The following FRMPD4 variants were observed in gnomAD, a reference collection of about 807,000 sequenced individuals.
FRMPD4 encodes FERM and PDZ domain-containing protein 4.
FRMPD4 carries 22 observed loss-of-function variants against 94.1 expected under a neutral mutation model. That is an observed-to-expected ratio of 0.23 (90% CI 0.17 to 0.33). The LOEUF is 0.33. Ranked by LOEUF, FRMPD4 falls within the 10% of genes least tolerant of loss-of-function variation. The pLI is 1.00. For missense variants in FRMPD4, 1,111 were observed against 1,339.9 expected (o/e 0.83, Z 2.67); for synonymous variants, 631 against 548.6 (o/e 1.15, Z -2.10).
intron 1 of FRMPD4, among the ~76,000 whole-genome samples, chrX:12,385,842 G>A (rs186989001): frequency 8.9e-6 from 1 of 112,508 alleles, no homozygotes; most frequent in East Asian, 2.8e-4. Flanking sequence ...CAAAGAGAAA[G>A]AGGGAACCTT....
At chrX:12,659,259 G>A (rs1228228005) in intron 4 of FRMPD4, among the ~76,000 whole-genome samples, 2 of 112,554 alleles carry the variant, frequency 1.8e-5, no homozygotes, top group East Asian at 5.5e-4. Flanking sequence ...TATTCAAAAT[G>A]GCATGGTGGC....
At chrX:12,263,415 G>A (rs1334680603) in intron 1 of FRMPD4, among the ~76,000 whole-genome samples, 1 of 111,790 alleles carries the variant, frequency 8.9e-6, no homozygotes, top group African/African-American at 3.3e-5. Flanking sequence ...GAAGTCATCA[G>A]TGAGGTAGGG....
rs747487178 is a variant in FRMPD4 at position 12,718,703 on chromosome X, G to A, written c.3877G>A (p.Ala1293Thr). Reference protein sequence around the residue: ...EGMCPRMTVPALHTAINTEPL... With the variant: ...EGMCPRMTVPTLHTAINTEPL... ...GATGTGTCCACGGATGACAGTGCCT[G>A]CTCTGCACACAGCCATTAACACCGA... The change falls in exon 16 of 17, where the codon GCT (alanine) becomes ACT (threonine). Residue 1293 changes from alanine (A) to threonine (T), a missense_variant. Physicochemically the swap from Ala to Thr is moderately conservative, Grantham distance 58. Coordinates refer to ENST00000675598, the MANE Select transcript of FRMPD4 (RefSeq NM_001368397.1). 3.3e-6 allele frequency: 4 copies of A among 1,208,576 alleles called. No homozygotes were observed. In the South Asian group the frequency reaches 5.3e-5, roughly 16 times the overall value.
intron 1 of FRMPD4, among the ~76,000 whole-genome samples, chrX:12,205,614 G>A (rs1013955728): frequency 8.1e-5 from 9 of 111,759 alleles, no homozygotes; most frequent in African/African-American, 2.9e-4. Flanking sequence ...AATGCCAAAA[G>A]CTCTTTTAAG....
At chrX:12,410,255 A>G (rs1164208366) in intron 1 of FRMPD4, among the ~76,000 whole-genome samples, 1 of 111,754 alleles carries the variant, frequency 8.9e-6, no homozygotes, top group Non-Finnish European at 1.9e-5. Flanking sequence ...GTTTAGTGTG[A>G]ATATTTCTGT....
intron 3 of FRMPD4, among the ~76,000 whole-genome samples, chrX:12,123,145 T>C (rs1281609186): frequency 9.4e-6 from 1 of 106,687 alleles, no homozygotes; most frequent in Non-Finnish European, 1.9e-5. Context: ...TTTTTTTGTT[T>C]GTTTGTTTTT....
At chrX:11,941,416 A>G (rs1012190692) in intron 3 of FRMPD4, among the ~76,000 whole-genome samples, 7 of 111,437 alleles carry the variant, frequency 6.3e-5, no homozygotes, top group Non-Finnish European at 1.1e-4. Context: ...TTTGCTTACA[A>G]TTGCATTCTC....
chrX:12,139,127 G>C, intron 1 of FRMPD4, 115 bp downstream of exon 1: 1 of 553,971 alleles, frequency 1.8e-6, no homozygotes, highest in Non-Finnish European at 2.7e-6. Flanking sequence ...CGGGGCTTAA[G>C]ACAAACGAAG....
At chrX:11,851,950 CAAAA>C (rs201359187) in intron 1 of FRMPD4, among the ~76,000 whole-genome samples, 7,397 of 69,002 alleles carry the variant, frequency 0.11, 295 homozygotes, top group East Asian at 0.35. Context: ...AAATATTATA[CAAAA>C]AAAAAAAAAA....
intron 3 of FRMPD4, among the ~76,000 whole-genome samples, chrX:11,889,286 T>A (rs1211381821): frequency 8.9e-6 from 1 of 112,106 alleles, no homozygotes; most frequent in Non-Finnish European, 1.9e-5. Context: ...AATAAGCCCA[T>A]CATAAATTGA....
chrX:12,638,065 C>T (rs1287938502), intron 4 of FRMPD4, among the ~76,000 whole-genome samples: 1 of 111,760 alleles, frequency 8.9e-6, no homozygotes, highest in Admixed American at 9.5e-5. Context: ...TATTGTTTAA[C>T]GTGAGCACAT....
chrX:12,263,954 C>A (rs1403908705), intron 1 of FRMPD4, among the ~76,000 whole-genome samples: 3 of 111,411 alleles, frequency 2.7e-5, no homozygotes, highest in Non-Finnish European at 3.8e-5. Flanking sequence ...CTTTTATAAT[C>A]AACTTTAATC....
At chrX:11,967,190 A>G (rs980224193) in intron 3 of FRMPD4, among the ~76,000 whole-genome samples, 3 of 112,132 alleles carry the variant, frequency 2.7e-5, no homozygotes, top group African/African-American at 9.7e-5. Context: ...GGCTCAAGCA[A>G]TCCTTTCCCC....
chrX:12,186,139 C>G (rs961680477), intron 1 of FRMPD4, among the ~76,000 whole-genome samples: 2 of 111,311 alleles, frequency 1.8e-5, no homozygotes, highest in Non-Finnish European at 3.8e-5. Context: ...TGCACAATAA[C>G]TTTAAAAAAA....
At chrX:12,068,378 G>GGT (rs1555920402) in intron 3 of FRMPD4, among the ~76,000 whole-genome samples, 1 of 110,368 alleles carries the variant, frequency 9.1e-6, no homozygotes, top group Admixed American at 9.7e-5. Flanking sequence ...TAAAAATTTT[G>GGT]TTTTTTTTCA....
At chrX:12,331,288 A>G (rs189258883) in intron 1 of FRMPD4, among the ~76,000 whole-genome samples, 62 of 106,967 alleles carry the variant, frequency 5.8e-4, no homozygotes, top group Non-Finnish European at 1.0e-3. Flanking sequence ...ATAACATTAT[A>G]AAGACATTAA....
At chrX:12,586,201 A>G (rs1378251234) in intron 2 of FRMPD4, among the ~76,000 whole-genome samples, 1 of 112,996 alleles carries the variant, frequency 8.8e-6, no homozygotes, top group Non-Finnish European at 1.9e-5. Flanking sequence ...AATACTGGAC[A>G]GCTGGCTTTG....
intron 1 of FRMPD4, among the ~76,000 whole-genome samples, chrX:12,460,706 A>C (rs1275234574): frequency 8.9e-6 from 1 of 111,858 alleles, no homozygotes; most frequent in African/African-American, 3.2e-5. Context: ...TATACAAATA[A>C]TATGTTGGGG....
chrX:11,973,275 C>T lies in FRMPD4; in HGVS notation c.95+95257C>T, dbSNP rs746515547. Reference sequence around the variant, plus strand: ...TTATGTTTGAAAACACTTGATTTTGCTCAAACGTGTTATAAAATGCTGTGT... The same window carrying T: ...TTATGTTTGAAAACACTTGATTTTGTTCAAACGTGTTATAAAATGCTGTGT... On this transcript the variant is annotated intron_variant, in intron 3 of 18. Coordinates refer to the FRMPD4 transcript ENST00000640291. 4.5e-5 allele frequency among the ~76,000 whole-genome samples: 5 copies of T among 112,318 alleles called. No homozygotes were observed. The South Asian group carries it at 1.5e-3, about 33-fold the overall frequency.
Sources: allele counts gnomAD v4.1 joint callset (sites outside exome capture counted in the v4.1 genomes callset), GRCh38; gene constraint gnomAD v4.1.1; transcripts MANE v1.5; gene names NCBI Gene and HGNC (gene_info 2026-07-23, HGNC 2026-07-21).